The following MOB3B variants were observed in gnomAD, a reference collection of about 807,000 sequenced individuals.
MOB3B encodes the protein MOB kinase activator 3B, also known as MOB kinase activator-like 2B.
A neutral mutation model predicts 18.7 loss-of-function variants in MOB3B; 7 were observed. That is an observed-to-expected ratio of 0.37 (90% CI 0.21 to 0.70). The LOEUF (loss-of-function observed/expected upper bound fraction) is 0.70. Among genes scored for constraint, MOB3B ranks in the 30% least tolerant of loss-of-function variants. MOB3B has a pLI of 0.52. For missense variants in MOB3B, 253 were observed against 281.3 expected, an observed-to-expected ratio of 0.90 and a Z score of 0.72; for synonymous variants, 111 against 99.9, an observed-to-expected ratio of 1.11 and a Z score of -0.66.
chr9:27,444,937 G>A (rs56176719), intron 2 of MOB3B, among the ~76,000 whole-genome samples: 19,631 of 152,200 alleles, frequency 0.13, 1,745 homozygotes, highest in Middle Eastern at 0.22. Context: ...AAAGTGGAAT[G>A]TATCACTCTT....
chr9:27,373,443 G>A (rs532924053), intron 2 of MOB3B, among the ~76,000 whole-genome samples: 5 of 152,292 alleles, frequency 3.3e-5, no homozygotes, highest in East Asian at 1.9e-4. Flanking sequence ...AGCAATAAGC[G>A]AAAGAGTTAA....
intron 1 of MOB3B, among the ~76,000 whole-genome samples, chr9:27,479,220 T>C (rs1819608618): frequency 1.3e-5 from 2 of 152,138 alleles, no homozygotes; most frequent in African/African-American, 2.4e-5. Flanking sequence ...GAAGGCATCA[T>C]ATGGGCAAGA....
Position 27,452,206 on chromosome 9 carries a change from G to GTCCA in MOB3B, c.418+2923_418+2926dup, listed in dbSNP as rs74178389. 5.3e-3 allele frequency among the ~76,000 whole-genome samples: 809 copies of GTCCA among 151,760 alleles called. 1 individual carries two copies. The highest frequency in any genetic ancestry group is 0.015 in the African/African-American group (626 of 41,246). ...CATCCAAACATCCATCCACCCACCC[G>GTCCA]TCCATCCATCCATCCATCCATCCAT... On this transcript the variant is annotated intron_variant, in intron 2 of 3. Coordinates refer to ENST00000262244, the MANE Select transcript of MOB3B (RefSeq NM_024761.5).
chr9:27,427,823 C>T (rs753368736), intron 2 of MOB3B, among the ~76,000 whole-genome samples: 1 of 152,166 alleles, frequency 6.6e-6, no homozygotes, highest in Non-Finnish European at 1.5e-5. Flanking sequence ...CTTATCCTCT[C>T]TTCTGCCTCT....
chr9:27,396,791 G>T (rs574346903), intron 2 of MOB3B: 42 of 152,238 alleles, frequency 2.8e-4, no homozygotes, highest in African/African-American at 8.7e-4. Flanking sequence ...TTTTGGCTGA[G>T]CAAAATGTTA....
At chr9:27,488,252 A>T (rs542735607) in intron 1 of MOB3B, among the ~76,000 whole-genome samples, 24 of 152,330 alleles carry the variant, frequency 1.6e-4, no homozygotes, top group African/African-American at 5.5e-4. Flanking sequence ...CTAACTTGTG[A>T]AAACTGCTGT....
chr9:27,448,863 A>C (rs545947604), intron 2 of MOB3B, among the ~76,000 whole-genome samples: 22 of 152,180 alleles, frequency 1.4e-4, no homozygotes, highest in Admixed American at 4.6e-4. Flanking sequence ...TATTGCAGTG[A>C]GTACTCTGCA....
intron 1 of MOB3B, among the ~76,000 whole-genome samples, chr9:27,505,250 G>A (rs1200791871): frequency 6.6e-6 from 1 of 152,076 alleles, no homozygotes; most frequent in East Asian, 1.9e-4. Flanking sequence ...TAGAATGACA[G>A]GGCTGCCTGC....
intron 1 of MOB3B, among the ~76,000 whole-genome samples, chr9:27,474,193 T>G (rs192602274): frequency 6.6e-6 from 1 of 152,352 alleles, no homozygotes; most frequent in East Asian, 1.9e-4. Flanking sequence ...TATAAAGCCT[T>G]GTATGGGAAG....
In MOB3B at chr9:27,455,435, T is replaced by C; in HGVS notation, c.116A>G (p.Asn39Ser). The change falls in exon 2 of 4, where the codon AAC becomes AGC. Residue 39 changes from asparagine (N) to serine (S), a missense_variant. Asn to Ser is a conservative substitution (Grantham distance 46, BLOSUM62 1). Transcript: ENST00000262244. Reference protein sequence around the residue: ...ELHKRAQASLNSGVDLKAAVQ... With the variant: ...ELHKRAQASLSSGVDLKAAVQ... Reference sequence around the variant, plus strand: ...AGCCGCCTTCAGGTCCACACCCGAGTTGAGGGATGCCTGAGCCCGTTTGTG... The same window carrying C: ...AGCCGCCTTCAGGTCCACACCCGAGCTGAGGGATGCCTGAGCCCGTTTGTG... 5 of 1,614,156 alleles carry C rather than the reference T, an allele frequency of 3.1e-6. No homozygotes were observed. The highest frequency in any genetic ancestry group is 1.1e-5 in the South Asian group (1 of 91,080).
intron 3 of MOB3B, among the ~76,000 whole-genome samples, chr9:27,345,281 C>G (rs1821016029): frequency 1.3e-5 from 2 of 152,102 alleles, no homozygotes; most frequent in African/African-American, 4.8e-5. Context: ...TGTAATGGGT[C>G]AGAACTGCTC....
chr9:27,333,341 A>G (rs954557025), intron 3 of MOB3B, among the ~76,000 whole-genome samples: 2 of 146,284 alleles, frequency 1.4e-5, no homozygotes, highest in Non-Finnish European at 3.0e-5. Flanking sequence ...CACTGGGTGG[A>G]GCCAATGAGC....
rs990778449 is a variant in MOB3B, at chr9:27,393,425, A to T, written c.419-34189T>A. Among the ~76,000 whole-genome samples, 8 of 151,574 alleles carry T rather than the reference A, an allele frequency of 5.3e-5. No homozygotes were observed. The South Asian group carries it at 1.7e-3, about 32-fold the overall frequency. Reference sequence around the variant, plus strand: ...ACAGAGAGAGGTAGAGAGAGGAGGAAGTGGAGGATGAGGAGGTAGTTGCTC... The same window carrying T: ...ACAGAGAGAGGTAGAGAGAGGAGGATGTGGAGGATGAGGAGGTAGTTGCTC... On this transcript the variant is annotated intron_variant, in intron 2 of 3. Transcript: ENST00000262244.
chr9:27,519,049 C>T (rs1820284983), intron 1 of MOB3B, among the ~76,000 whole-genome samples: 1 of 152,148 alleles, frequency 6.6e-6, no homozygotes. Flanking sequence ...GGAGAATGCA[C>T]CAGAAGTAGT....
rs1445571599 is a variant in MOB3B at position 27,326,748 on chromosome 9, T to C, written c.*3839A>G. ...AACGAACAATTTAAGAAGCAGGAAA[T>C]GACTCTAGATCAGTATTTCTCAATT... On this transcript the variant is annotated 3_prime_UTR_variant, in exon 4 of 4. Transcript: ENST00000262244. 4 of 396,472 alleles carry C rather than the reference T, an allele frequency of 1.0e-5. No individual in the cohort carries two copies. The highest frequency in any genetic ancestry group is 2.1e-5 in the African/African-American group (1 of 48,602). 24.6% of individuals were successfully genotyped at this position (396,472 alleles called of 1,614,324 possible). A position where few individuals can be genotyped will look rare whatever the true frequency, so the allele number is the denominator to read the frequency against.
intron 1 of MOB3B, among the ~76,000 whole-genome samples, chr9:27,478,361 T>C (rs1819593007): frequency 6.6e-6 from 1 of 152,130 alleles, no homozygotes; most frequent in African/African-American, 2.4e-5. Context: ...AGTAAGAGAA[T>C]AATCTGACAG....
chr9:27,449,515 C>T (rs1215917884), intron 2 of MOB3B, among the ~76,000 whole-genome samples: 1 of 152,226 alleles, frequency 6.6e-6, no homozygotes, highest in African/African-American at 2.4e-5. Context: ...TAAAGTCACA[C>T]AGCAGCTTCT....
chr9:27,445,084 G>A (rs1420419427), intron 2 of MOB3B, among the ~76,000 whole-genome samples: 4 of 152,124 alleles, frequency 2.6e-5, no homozygotes, highest in South Asian at 2.1e-4. Context: ...ATGTGCAAAG[G>A]TACTGAAGGC....
intron 1 of MOB3B, among the ~76,000 whole-genome samples, chr9:27,457,753 G>A (rs1819202841): frequency 6.6e-6 from 1 of 151,954 alleles, no homozygotes; most frequent in Admixed American, 6.6e-5. Flanking sequence ...AGAGATCCAT[G>A]TGGAAAAGCA....
Sources: allele counts gnomAD v4.1 joint callset (sites outside exome capture counted in the v4.1 genomes callset), GRCh38; gene constraint gnomAD v4.1.1; transcripts MANE v1.5; gene names NCBI Gene and HGNC (gene_info 2026-07-23, HGNC 2026-07-21).